Variants in TPM3 observed in about 807,000 individuals in gnomAD.
TPM3 encodes the protein tropomyosin alpha-3 chain.
In TPM3, 16 loss-of-function variants were observed where a neutral mutation model predicts 43.1. The ratio of observed to expected loss-of-function variants is 0.37; its 90% CI spans 0.25 to 0.56. TPM3 has a LOEUF of 0.56. Ranked by LOEUF, TPM3 falls within the 20% of genes least tolerant of loss-of-function variation. The pLI, the probability that TPM3 is intolerant of heterozygous loss-of-function variation, is 0.77. For missense variants in TPM3, 176 were observed against 337.2 expected (o/e 0.52, Z 3.74); for synonymous variants, 101 against 116.9 (o/e 0.86, Z 0.88).
rs1421084648 is a variant in TPM3 at position 154,167,292 on chromosome 1, T to C, written c.*645A>G. 3.0e-6 allele frequency: 3 copies of C among 984,700 alleles called. No homozygotes were observed. Among genetic ancestry groups the C allele is most frequent in the Non-Finnish European group, 3.6e-6 (3 of 829,424 alleles). 61.0% of individuals were successfully genotyped at this position (984,700 alleles called of 1,614,324 possible). A position where few individuals can be genotyped will look rare whatever the true frequency, so the allele number is the denominator to read the frequency against. ...TTTCTGTGACTGGAGTTGACATAAT[T>C]AGTCAATCTTAGCAATAATGTATTG... On this transcript the variant is annotated 3_prime_UTR_variant, in exon 10 of 10. Transcript: ENST00000651641.
chr1:154,158,312 C>A (rs1233636171), downstream of TPM3, among the ~76,000 whole-genome samples: 2 of 152,190 alleles, frequency 1.3e-5, no homozygotes, highest in African/African-American at 4.8e-5. Context: ...TGCTGCAGAG[C>A]TATTGAACAG....
chr1:154,176,042 G>T (rs1404149417), intron 3 of TPM3, 73 bp downstream of exon 3: 2 of 1,606,408 alleles, frequency 1.2e-6, no homozygotes, highest in African/African-American at 2.7e-5. Context: ...TAGAAAACAG[G>T]TCTATAAGGA....
intron 8 of TPM3, chr1:154,169,922 G>T (rs1472867032): frequency 4.1e-6 from 1 of 241,818 alleles, no homozygotes; most frequent in African/African-American, 2.3e-5. Context: ...AACTTGCAGG[G>T]ACAGAAAGTA....
At chr1:154,176,871 C>T (rs780906855) in intron 2 of TPM3, among the ~76,000 whole-genome samples, 2 of 149,998 alleles carry the variant, frequency 1.3e-5, no homozygotes, top group African/African-American at 4.9e-5. Flanking sequence ...CCCAGCTACT[C>T]GGGAGGCTGA....
chr1:154,176,056 C>A, intron 3 of TPM3, 59 bp downstream of exon 3: 1 of 1,610,672 alleles, frequency 6.2e-7, no homozygotes, highest in Non-Finnish European at 8.5e-7. Context: ...ATAAGGAAAT[C>A]TTGATCAGAA....
In TPM3 at chr1:154,165,936, T is replaced by C. The variant is rs1323453925; in HGVS notation, c.*2001A>G. The stretch of plus-strand genomic sequence containing the variant: ...ACTCAATTCCCATAACACTATTATT[T>C]GTGGCATTCATCACACAGTATCTGT... On this transcript the variant is annotated 3_prime_UTR_variant, in exon 10 of 10. Coordinates refer to ENST00000651641, the MANE Select transcript of TPM3 (RefSeq NM_152263.4). Among the ~76,000 whole-genome samples, 1 of 152,236 alleles carries C rather than the reference T, an allele frequency of 6.6e-6. No individual in the cohort carries two copies. The highest frequency in any genetic ancestry group is 1.5e-5 in the Non-Finnish European group (1 of 68,040).
In TPM3 at chr1:154,164,008, G is replaced by A. The variant is rs934415921; in HGVS notation, c.*3929C>T. On this transcript the variant is annotated 3_prime_UTR_variant, in exon 10 of 10. Coordinates refer to ENST00000651641, the MANE Select transcript of TPM3 (RefSeq NM_152263.4). ...GGCATAAACTACCTGTACCCCATAT[G>A]GATTCCCAACTCTCTTATGTCAACC... is the stretch of plus-strand genomic sequence containing the variant. 1.3e-5 allele frequency among the ~76,000 whole-genome samples: 2 copies of A among 151,872 alleles called. No homozygotes were observed. Among genetic ancestry groups the A allele is most frequent in the Non-Finnish European group, 2.9e-5 (2 of 67,982 alleles).
chr1:154,163,489 A>AT lies in TPM3; in HGVS notation c.*4447dup, dbSNP rs1420261635. Among the ~76,000 whole-genome samples, 1 of 152,114 alleles carries AT rather than the reference A, an allele frequency of 6.6e-6. No individual in the cohort carries two copies. Among genetic ancestry groups the AT allele is most frequent in the Non-Finnish European group, 1.5e-5 (1 of 68,012 alleles). ...TTACTAAAGTATCAATGCATGTCCC[A>AT]TTTTCAGTTATCTTCCTTCTTAGCC... On this transcript the variant is annotated 3_prime_UTR_variant, in exon 10 of 10. Coordinates refer to ENST00000651641, the MANE Select transcript of TPM3 (RefSeq NM_152263.4).
chr1:154,167,918 A>G lies in TPM3; in HGVS notation c.*19T>C, dbSNP rs745849130. 18 of 1,614,048 alleles carry G rather than the reference A, an allele frequency of 1.1e-5. No individual in the cohort carries two copies. Among genetic ancestry groups the G allele is most frequent in the Non-Finnish European group, 8.5e-6 (10 of 1,180,012 alleles). On this transcript the variant is annotated 3_prime_UTR_variant, in exon 10 of 10. Coordinates refer to ENST00000651641, the MANE Select transcript of TPM3 (RefSeq NM_152263.4). The stretch of plus-strand genomic sequence containing the variant: ...GGAGTAAAGGGGGCAGATCCAGAAC[A>G]GAGCAGAAACGGTGATAATTATCTG...
intron 2 of TPM3, among the ~76,000 whole-genome samples, chr1:154,181,491 T>C (rs1662942166): frequency 6.6e-6 from 1 of 152,194 alleles, no homozygotes; most frequent in Admixed American, 6.5e-5. Flanking sequence ...GTTACTTTAC[T>C]CTCTCAAGAT....
At chr1:154,172,537 T>A (rs1661716135) in intron 5 of TPM3, 1 of 477,106 alleles carries the variant, frequency 2.1e-6, no homozygotes, top group Non-Finnish European at 4.2e-6. Context: ...GGACTACAGG[T>A]TTGAGCCACC....
In TPM3 at chr1:154,164,578, A is replaced by G. The variant is rs1327402317; in HGVS notation, c.*3359T>C. ...CTCTCCTGCCACTACTCTAGCTCAG[A>G]CCCTGATTATTCTCTCCTAGAAAAC... On this transcript the variant is annotated 3_prime_UTR_variant, in exon 10 of 10. Coordinates refer to ENST00000651641, the MANE Select transcript of TPM3 (RefSeq NM_152263.4). Among the ~76,000 whole-genome samples, 4 of 152,162 alleles carry G rather than the reference A, an allele frequency of 2.6e-5. No homozygotes were observed. The highest frequency in any genetic ancestry group is 5.9e-5 in the Non-Finnish European group (4 of 68,028).
chr1:154,189,678 A>G (rs1663587867), intron 2 of TPM3, among the ~76,000 whole-genome samples: 1 of 151,820 alleles, frequency 6.6e-6, no homozygotes, highest in Admixed American at 6.6e-5. Flanking sequence ...CGTGCCTGTA[A>G]TCCCAGTTAC....
Position 154,169,355 on chromosome 1 carries a change from G to A in TPM3, c.804C>T (p.Tyr268=), listed in dbSNP as rs762511246. 43 of 1,614,086 alleles carry A rather than the reference G, an allele frequency of 2.7e-5. No homozygotes were observed. In the Admixed American group the frequency reaches 6.5e-4, roughly 24 times the overall value. ...EDELYAQKLK[Y]KAISEELDHA... Reference sequence around the variant, plus strand: ...GGTCCAGCTCCTCGCTAATGGCCTTGTACTTCAGTTTCTGGGCATAGAGCT... The same window carrying A: ...GGTCCAGCTCCTCGCTAATGGCCTTATACTTCAGTTTCTGGGCATAGAGCT... Residue 268 remains tyrosine, a synonymous_variant, in exon 9 of 10, where the codon TAC becomes TAT. Coordinates refer to ENST00000651641, the MANE Select transcript of TPM3 (RefSeq NM_152263.4).
At chr1:154,170,006 G>A (rs1661398815) in intron 8 of TPM3, 1 of 273,936 alleles carries the variant, frequency 3.7e-6, no homozygotes, top group South Asian at 4.0e-5. Flanking sequence ...ATAAATACCC[G>A]ACAACTTGAG....
intron 2 of TPM3, among the ~76,000 whole-genome samples, chr1:154,182,464 G>A (rs1204513416): frequency 1.3e-5 from 2 of 152,232 alleles, no homozygotes; most frequent in East Asian, 1.9e-4. Context: ...CTGAGCAGGA[G>A]GAGGGAGCGG....
Position 154,167,726 on chromosome 1 carries a change from C to T in TPM3, c.*211G>A, listed in dbSNP as rs1661129652. 2 of 1,426,298 alleles carry T rather than the reference C, an allele frequency of 1.4e-6. No homozygotes were observed. The highest frequency in any genetic ancestry group is 2.9e-5 in the African/African-American group (2 of 69,674). 88.4% of individuals were successfully genotyped at this position (1,426,298 alleles called of 1,614,324 possible). A position where few individuals can be genotyped will look rare whatever the true frequency, so the allele number is the denominator to read the frequency against. The stretch of plus-strand genomic sequence containing the variant: ...GACAGCAACAGCTTTGTCAATGACA[C>T]AAATGCAGGGTGGCATGAGGTTTCC... On this transcript the variant is annotated 3_prime_UTR_variant, in exon 10 of 10. Coordinates refer to ENST00000651641, the MANE Select transcript of TPM3 (RefSeq NM_152263.4).
Position 154,176,151 on chromosome 1 carries a change from A to T in TPM3, c.341T>A (p.Leu114Gln). The change falls in exon 3 of 10, where the codon CTG becomes CAG. Residue 114 changes from leucine to glutamine, a missense_variant. Around this residue, in one of 4 missense-constraint regions of TPM3, gnomAD observed 82 missense variants for 148.8 expected, o/e 0.55. Transcript: ENST00000651641. Reference protein sequence around the residue: ...QERLATALQKLEEAEKAADES... With the variant: ...QERLATALQKQEEAEKAADES... ...ATCAGCAGCTTTTTCAGCTTCTTCC[A>T]GCTTTTGCAGGGCAGTGGCCAGGCG... The T allele has an allele frequency of 2.5e-6, 4 of 1,614,142 alleles. No homozygotes were observed. Among genetic ancestry groups the T allele is most frequent in the Non-Finnish European group, 3.4e-6 (4 of 1,180,042 alleles).
At chr1:154,178,450 G>C (rs1387573888) in intron 2 of TPM3, among the ~76,000 whole-genome samples, 1 of 152,208 alleles carries the variant, frequency 6.6e-6, no homozygotes, top group Non-Finnish European at 1.5e-5. Flanking sequence ...GGAGTGGTAG[G>C]GAATGGGACC....
Sources: gnomAD v4.1 joint callset for allele counts (sites outside exome capture counted in the v4.1 genomes callset) on GRCh38, gnomAD v4.1.1 for gene constraint, gnomAD v4.1.1 regional missense constraint, MANE v1.5 for transcripts, NCBI Gene and HGNC (gene_info 2026-07-23, HGNC 2026-07-21) for gene names.